The following TNRC18 variants were observed in gnomAD, a reference collection of about 807,000 sequenced individuals.
The protein encoded by TNRC18 is trinucleotide repeat-containing gene 18 protein.
In TNRC18, 69 loss-of-function variants were observed where a neutral mutation model predicts 226.7. That is an observed-to-expected ratio of 0.30 (90% CI 0.25 to 0.37). TNRC18 has a LOEUF of 0.37. TNRC18 is among the 10% of genes least tolerant of loss of function. The pLI, the probability that TNRC18 is intolerant of heterozygous loss-of-function variation, is 1.00. For synonymous variants in TNRC18, 2,449 were observed against 1,927.6 expected, an observed-to-expected ratio of 1.27 and a Z score of -7.09; for missense variants, 4,754 against 4,256.6, an observed-to-expected ratio of 1.12 and a Z score of -3.25.
rs750374556 is a variant in TNRC18 at position 5,312,648 on chromosome 7, C to T, written c.8243G>A (p.Arg2748Gln). 2.0e-5 allele frequency: 32 copies of T among 1,608,968 alleles called. No homozygotes were observed. Among genetic ancestry groups the T allele is most frequent in the South Asian group, 1.2e-4 (11 of 90,882 alleles). Reference protein sequence around the residue: ...QPKAQAGAKSRPKKREGVHLP... With the variant: ...QPKAQAGAKSQPKKREGVHLP... The stretch of plus-strand genomic sequence containing the variant: ...GTGGACGCCCTCTCTCTTCTTGGGT[C>T]GGCTCTTGGCCCCGGCCTGAGCCTT... Residue 2748 changes from arginine (R) to glutamine (Q), a missense_variant, in exon 27 of 30, where the codon CGA (arginine) becomes CAA (glutamine). Arg to Gln is a conservative substitution (Grantham distance 43, BLOSUM62 1). Transcript: ENST00000430969. This position sits in a 1 kb window ranked among gnomAD's most constrained non-coding sequence, Gnocchi z 6.3.
Position 5,324,398 on chromosome 7 carries a change from AG to A in TNRC18, c.6301-44del. Reference sequence around the variant, plus strand: ...CCGACAAATGACTTAGGACCTGAACAGGGGTCCTGCCGGGTTGGGGACCCTC... The same window carrying A: ...CCGACAAATGACTTAGGACCTGAACAGGGTCCTGCCGGGTTGGGGACCCTC... On this transcript the variant is annotated intron_variant, in intron 20 of 29. Coordinates refer to ENST00000430969, the MANE Select transcript of TNRC18 (RefSeq NM_001080495.3). The surrounding 1 kb of genome is among the most constrained non-coding windows in gnomAD (Gnocchi z 4.8). 1 of 1,604,824 alleles carries A rather than the reference AG, an allele frequency of 6.2e-7. No homozygotes were observed. The highest frequency in any genetic ancestry group is 1.3e-5 in the African/African-American group (1 of 74,928).
chr7:5,323,348 C>A (rs559107256), intron 21 of TNRC18, among the ~76,000 whole-genome samples: 6 of 149,080 alleles, frequency 4.0e-5, no homozygotes, highest in African/African-American at 7.5e-5. Flanking sequence ...CACCCCCACA[C>A]CTGTCCTCAC....
At chr7:5,317,235 G>T (rs1346143740) in intron 24 of TNRC18, among the ~76,000 whole-genome samples, 1 of 152,020 alleles carries the variant, frequency 6.6e-6, no homozygotes, top group Non-Finnish European at 1.5e-5. Context: ...CTAACCAGAG[G>T]AAGGGCACAG....
At chr7:5,400,107 C>T (rs1218120102) in intron 2 of TNRC18, among the ~76,000 whole-genome samples, 1 of 151,958 alleles carries the variant, frequency 6.6e-6, no homozygotes, top group Non-Finnish European at 1.5e-5. Context: ...GTTGCGAAGT[C>T]TGGGGTCTAG....
At chr7:5,331,537 CCA>C (rs769090995) in intron 19 of TNRC18, among the ~76,000 whole-genome samples, 14 of 152,164 alleles carry the variant, frequency 9.2e-5, no homozygotes, top group African/African-American at 1.2e-4. Context: ...GCCGGTGAAA[CCA>C]CAGAGTCTTG....
intron 24 of TNRC18, among the ~76,000 whole-genome samples, chr7:5,316,848 T>C (rs1037203233): frequency 1.3e-5 from 2 of 151,988 alleles, no homozygotes; most frequent in African/African-American, 4.8e-5. Context: ...CCTAAGAGAA[T>C]CCTGCCAAGG....
chr7:5,362,806 C>A lies in TNRC18; in HGVS notation c.4239G>T (p.Val1413=). Residue 1413 remains valine, a synonymous_variant, in exon 12 of 30, where the codon GTG becomes GTT. Coordinates refer to ENST00000430969, the MANE Select transcript of TNRC18 (RefSeq NM_001080495.3). ...QEMGGAERAL[V]ARPSLESLLA... is the part of the protein sequence containing the mutation. ...GCAGACTCTCCAGGGAGGGCCGCGC[C>A]ACCAGGGCCCGCTCCGCACCTGTGG... 6.4e-7 allele frequency: 1 copy of A among 1,560,410 alleles called. No individual in the cohort carries two copies. Among genetic ancestry groups the A allele is most frequent in the East Asian group, 2.4e-5 (1 of 42,252 alleles).
chr7:5,368,056 A>AG lies in TNRC18; in HGVS notation c.4219+2318_4219+2319insC, dbSNP rs1449408007. On this transcript the variant is annotated intron_variant, in intron 11 of 29. Coordinates refer to ENST00000430969, the MANE Select transcript of TNRC18 (RefSeq NM_001080495.3). ...ATCATGTTATTTGCAACGGAGAAAA[A>AG]AAAAAAACAACTTTGTTTTAAAGCA... Among the ~76,000 whole-genome samples, 22 of 151,728 alleles carry AG rather than the reference A, an allele frequency of 1.4e-4. 1 individual carries two copies.
intron 19 of TNRC18, among the ~76,000 whole-genome samples, chr7:5,330,150 T>C (rs1018437128): frequency 2.6e-5 from 4 of 152,206 alleles, no homozygotes; most frequent in African/African-American, 9.6e-5. Context: ...CAGGCTGGTC[T>C]TGAACTCCTG....
chr7:5,308,698 C>T (rs1020171316), intron 29 of TNRC18, among the ~76,000 whole-genome samples, 177 bp downstream of exon 29: 2 of 152,134 alleles, frequency 1.3e-5, no homozygotes, highest in African/African-American at 4.8e-5. Context: ...GACAGACGCA[C>T]AGACCAGAGA....
intron 2 of TNRC18, among the ~76,000 whole-genome samples, chr7:5,408,260 C>A (rs1781608637): frequency 6.8e-6 from 1 of 147,992 alleles, no homozygotes; most frequent in Non-Finnish European, 1.5e-5. Flanking sequence ...GATCGTGCCA[C>A]TGCACTCCAG....
rs544372008 is a variant in TNRC18, at chr7:5,373,748, C to T, written c.3229+307G>A. Among the ~76,000 whole-genome samples, 113 of 152,200 alleles carry T rather than the reference C, an allele frequency of 7.4e-4. 1 individual carries two copies. In the Middle Eastern group the frequency reaches 0.01, roughly 14 times the overall value. On this transcript the variant is annotated intron_variant, in intron 10 of 29. Transcript: ENST00000430969. ...CCATCATCAGCAAGGCAGAACTTAG[C>T]GCCGACTGCATGCTGAGCGTGTGAC...
intron 20 of TNRC18, 49 bp downstream of exon 20, chr7:5,325,047 G>C: frequency 6.5e-7 from 1 of 1,542,874 alleles, no homozygotes; most frequent in Non-Finnish European, 8.7e-7. Flanking sequence ...GACCACAGGA[G>C]CATGGCTGAG....
intron 11 of TNRC18, among the ~76,000 whole-genome samples, chr7:5,367,139 C>T (rs1327015337): frequency 2.6e-5 from 4 of 152,068 alleles, no homozygotes; most frequent in South Asian, 2.1e-4. Flanking sequence ...CTGAGGCGGG[C>T]GGATCACTTG....
Position 5,388,711 on chromosome 7 carries a change from C to T in TNRC18, c.1113G>A (p.Ala371=), listed in dbSNP as rs1780020660. 7.9e-7 allele frequency: 1 copy of T among 1,262,100 alleles called. No homozygotes were observed. The highest frequency in any genetic ancestry group is 4.4e-5 in the Admixed American group (1 of 22,568). 78.2% of individuals were successfully genotyped at this position (1,262,100 alleles called of 1,614,324 possible). A position where few individuals can be genotyped will look rare whatever the true frequency, so the allele number is the denominator to read the frequency against. ...REQGREHRVV[A]PTFVPSVEAF... ...CCTCCACGGAAGGCACGAAGGTGGG[C>T]GCCACCACGCGGTGCTCACGGCCCT... Residue 371 remains alanine (A), a synonymous_variant, in exon 5 of 30, where the codon GCG becomes GCA. Transcript: ENST00000430969.
At chr7:5,415,752 C>T (rs906468521) in intron 2 of TNRC18, among the ~76,000 whole-genome samples, 2 of 151,902 alleles carry the variant, frequency 1.3e-5, no homozygotes, top group Non-Finnish European at 2.9e-5. Context: ...AAGCCCATCT[C>T]CAGGTGGTTG....
intron 16 of TNRC18, among the ~76,000 whole-genome samples, chr7:5,353,469 G>A (rs1373126126): frequency 6.6e-6 from 1 of 151,298 alleles, no homozygotes; most frequent in Non-Finnish European, 1.5e-5. Flanking sequence ...TGAGGTGGGA[G>A]GATCACTTGA....
intron 11 of TNRC18, among the ~76,000 whole-genome samples, chr7:5,363,557 T>C (rs546871309): frequency 4.6e-4 from 70 of 152,232 alleles, no homozygotes; most frequent in Non-Finnish European, 2.8e-4. Flanking sequence ...TAAGCCGAGA[T>C]GGCGCCACTG....
chr7:5,389,281 G>C lies in TNRC18; in HGVS notation c.543C>G (p.Pro181=). The C allele has an allele frequency of 7.8e-7, 1 of 1,290,036 alleles. No individual in the cohort carries two copies. The highest frequency in any genetic ancestry group is 9.8e-7 in the Non-Finnish European group (1 of 1,020,120). 79.9% of individuals were successfully genotyped at this position (1,290,036 alleles called of 1,614,324 possible). Residue 181 remains proline (P), a synonymous_variant, in exon 5 of 30, where the codon CCC becomes CCG. Coordinates refer to ENST00000430969, the MANE Select transcript of TNRC18 (RefSeq NM_001080495.3). ...GGCCGCCGCCAGGGGTCCGGGCCGA[G>C]GGCGCGTGAGAGTGCAGGGAGCCCG... ...GAPGSLHSHA[P]SARTPGGGHS...
Sources: gnomAD v4.1 joint callset for allele counts (sites outside exome capture counted in the v4.1 genomes callset) on GRCh38, gnomAD v4.1.1 for gene constraint, Gnocchi (gnomAD v3.1) non-coding constraint, MANE v1.5 for transcripts, NCBI Gene and HGNC (gene_info 2026-07-23, HGNC 2026-07-21) for gene names.